SORBS2: variants seen among roughly 807,000 people sequenced by gnomAD.
SORBS2 encodes sorbin and SH3 domain-containing protein 2.
A neutral mutation model predicts 97.7 loss-of-function variants in SORBS2; 46 were observed. The observed-to-expected ratio is 0.47, with a 90% CI of 0.37 to 0.60. The LOEUF (loss-of-function observed/expected upper bound fraction) is 0.60. Among genes scored for constraint, SORBS2 ranks in the 20% least tolerant of loss-of-function variants. The pLI is 0.00. For missense variants in SORBS2, 1,316 were observed against 1,282.3 expected (o/e 1.03, Z -0.40); for synonymous variants, 476 against 473.4 (o/e 1.01, Z -0.07).
chr4:185,655,665 C>T (rs1007862985), intron 1 of SORBS2, among the ~76,000 whole-genome samples: 1 of 152,158 alleles, frequency 6.6e-6, no homozygotes, highest in Non-Finnish European at 1.5e-5. Context: ...CTTATGCATA[C>T]CCAAACGTGC....
chr4:185,647,742 A>AT (rs996178652), intron 3 of SORBS2, among the ~76,000 whole-genome samples: 28 of 152,016 alleles, frequency 1.8e-4, no homozygotes, highest in African/African-American at 1.2e-4. Context: ...CTCAGTCTTC[A>AT]TTTTTTTCCA....
chr4:185,703,521 A>C (rs1018354206), intron 2 of SORBS2, among the ~76,000 whole-genome samples: 1 of 152,236 alleles, frequency 6.6e-6, no homozygotes, highest in Non-Finnish European at 1.5e-5. Flanking sequence ...CTGTACTCCT[A>C]GCCAATATTC....
intron 2 of SORBS2, among the ~76,000 whole-genome samples, chr4:185,687,339 C>A (rs1358085377): frequency 6.6e-6 from 1 of 152,118 alleles, no homozygotes; most frequent in Non-Finnish European, 1.5e-5. Flanking sequence ...GCCTGTAAAT[C>A]ATTTTAGATC....
At chr4:185,925,338 C>T (rs984717047) in intron 1 of SORBS2, among the ~76,000 whole-genome samples, 1 of 152,054 alleles carries the variant, frequency 6.6e-6, no homozygotes, top group Non-Finnish European at 1.5e-5. Flanking sequence ...GCCCTAGAGG[C>T]AGAATAGGAT....
rs934919752 is a variant in SORBS2, at chr4:185,909,722, C to A, written c.-338+46474G>T. On this transcript the variant is annotated intron_variant, in intron 1 of 20. Transcript: ENST00000284776. Reference sequence around the variant, plus strand: ...CTTGTGAAAACTTTGGTCAAGAACTCTAAACTAGGAAAACATGCAAAGAAA... The same window carrying A: ...CTTGTGAAAACTTTGGTCAAGAACTATAAACTAGGAAAACATGCAAAGAAA... Among the ~76,000 whole-genome samples the A allele has an allele frequency of 4.6e-5, 7 of 152,106 alleles. 1 individual carries two copies. The highest frequency in any genetic ancestry group is 8.8e-5 in the Non-Finnish European group (6 of 68,022).
chr4:185,613,708 A>G (rs541240191), intron 11 of SORBS2, among the ~76,000 whole-genome samples: 6 of 151,018 alleles, frequency 4.0e-5, no homozygotes, highest in African/African-American at 1.5e-4. Flanking sequence ...CCGATTTTCT[A>G]GTATACCAAG....
chr4:185,921,706 A>C (rs1349305751), intron 1 of SORBS2, among the ~76,000 whole-genome samples: 4 of 152,220 alleles, frequency 2.6e-5, no homozygotes, highest in African/African-American at 9.6e-5. Context: ...CTTTTCCACT[A>C]TACAGCCCTA....
At chr4:185,815,861 C>A (rs1363891645) in intron 1 of SORBS2, among the ~76,000 whole-genome samples, 2 of 152,042 alleles carry the variant, frequency 1.3e-5, no homozygotes, top group Non-Finnish European at 2.9e-5. Flanking sequence ...TTGCACTTTT[C>A]TATAAGTTTG....
chr4:185,864,389 A>G (rs1400824252), intron 1 of SORBS2, among the ~76,000 whole-genome samples: 2 of 152,236 alleles, frequency 1.3e-5, no homozygotes, highest in Non-Finnish European at 2.9e-5. Flanking sequence ...TCCGTTTATT[A>G]CTTGTACAGT....
chr4:185,805,085 T>C (rs1446046296), intron 1 of SORBS2, among the ~76,000 whole-genome samples: 1 of 152,128 alleles, frequency 6.6e-6, no homozygotes, highest in East Asian at 1.9e-4. Flanking sequence ...CAAGAGGCTT[T>C]AAAAAAATTG....
At chr4:185,833,822 A>AATCAT (rs1431380712) in intron 1 of SORBS2, among the ~76,000 whole-genome samples, 7 of 152,212 alleles carry the variant, frequency 4.6e-5, no homozygotes, top group African/African-American at 1.7e-4. Context: ...GCAACACTAC[A>AATCAT]ATCATAGTGG....
At chr4:185,702,659 C>G (rs1429713979) in intron 2 of SORBS2, among the ~76,000 whole-genome samples, 1 of 147,506 alleles carries the variant, frequency 6.8e-6, no homozygotes, top group African/African-American at 2.5e-5. Context: ...TGTTACATGA[C>G]TTTTTTTTTT....
At chr4:185,645,380 T>A (rs189291110) in intron 4 of SORBS2, among the ~76,000 whole-genome samples, 7 of 152,354 alleles carry the variant, frequency 4.6e-5, no homozygotes, top group African/African-American at 1.7e-4. Context: ...TTTGCAATGG[T>A]GCCTGCAAAT....
chr4:185,890,162 C>G (rs916452563), intron 1 of SORBS2, among the ~76,000 whole-genome samples: 2 of 152,220 alleles, frequency 1.3e-5, no homozygotes, highest in Admixed American at 1.3e-4. Flanking sequence ...TCTGGGATTA[C>G]AGGTGTGAGC....
chr4:185,724,001 C>A (rs2098537106), intron 2 of SORBS2, among the ~76,000 whole-genome samples: 1 of 152,206 alleles, frequency 6.6e-6, no homozygotes, highest in Non-Finnish European at 1.5e-5. Context: ...TACTGATCAG[C>A]ACCTGACATT....
intron 1 of SORBS2, 125 bp from the exon 10 acceptor site, chr4:185,652,853 C>T: frequency 1.3e-6 from 1 of 751,654 alleles, no homozygotes; most frequent in South Asian, 1.7e-5. Flanking sequence ...AATGTTCTGA[C>T]TCTTTGCTAT....
At chr4:185,737,626 G>A (rs55857714) in intron 2 of SORBS2, among the ~76,000 whole-genome samples, 21,585 of 152,162 alleles carry the variant, frequency 0.14, 1,598 homozygotes, top group Middle Eastern at 0.23. Context: ...GGGTGGGGCC[G>A]TGAGCAGGGT....
At chr4:185,842,335 G>C (rs1179725664) in intron 1 of SORBS2, among the ~76,000 whole-genome samples, 1 of 152,174 alleles carries the variant, frequency 6.6e-6, no homozygotes, top group Non-Finnish European at 1.5e-5. Context: ...AAAGAGACTG[G>C]AGGTCCATGT....
At chr4:185,894,127 T>C (rs1323748920) in intron 1 of SORBS2, among the ~76,000 whole-genome samples, 2 of 152,108 alleles carry the variant, frequency 1.3e-5, no homozygotes, top group Non-Finnish European at 2.9e-5. Context: ...TATTTTAGGG[T>C]AAAATATTCC....
Sources: gnomAD v4.1 joint callset for allele counts (sites outside exome capture counted in the v4.1 genomes callset) on GRCh38, gnomAD v4.1.1 for gene constraint, MANE v1.5 for transcripts, NCBI Gene and HGNC (gene_info 2026-07-23, HGNC 2026-07-21) for gene names.